GPM6B: variants seen among roughly 807,000 people sequenced by gnomAD.
GPM6B encodes the protein glycoprotein M6B.
A neutral mutation model predicts 27.2 loss-of-function variants in GPM6B; 4 were observed. That is an observed-to-expected ratio of 0.15 (90% CI 0.07 to 0.34). The LOEUF is 0.34. Ranked by LOEUF, GPM6B falls within the 10% of genes least tolerant of loss-of-function variation. GPM6B has a pLI of 1.00. For synonymous variants in GPM6B, 124 were observed against 103.1 expected (o/e 1.20, Z -1.23); for missense variants, 183 against 261.9 (o/e 0.70, Z 2.08).
At chrX:13,904,624 G>A (rs760847976) in intron 1 of GPM6B, among the ~76,000 whole-genome samples, 14 of 111,059 alleles carry the variant, frequency 1.3e-4, no homozygotes, top group South Asian at 7.8e-4. Flanking sequence ...CGACAACACC[G>A]TTTACTTGCA....
Position 13,807,773 on chromosome X carries a change from C to T in GPM6B, c.62-4G>A. Reference sequence around the variant, plus strand: ...TCCATTTCAGCTCTGCTGTTCACTGCCAATTTCAGGTGGCAAAGAGTCAGT... The same window carrying T: ...TCCATTTCAGCTCTGCTGTTCACTGTCAATTTCAGGTGGCAAAGAGTCAGT... On this transcript the variant is annotated splice_region_variant and splice_polypyrimidine_tract_variant and intron_variant, in intron 1 of 7. Coordinates refer to ENST00000316715, the MANE Select transcript of GPM6B (RefSeq NM_001001995.3). The T allele has an allele frequency of 8.4e-7, 1 of 1,193,966 alleles. No individual in the cohort carries two copies. Among genetic ancestry groups the T allele is most frequent in the Non-Finnish European group, 1.1e-6 (1 of 883,974 alleles).
intron 1 of GPM6B, among the ~76,000 whole-genome samples, chrX:13,934,216 T>A (rs767747165): frequency 2.3e-4 from 26 of 111,330 alleles, no homozygotes; most frequent in African/African-American, 8.1e-4. Context: ...GTCCCGATAT[T>A]AAAAGGGAGC....
chrX:13,892,935 CT>C (rs1177683866), intron 1 of GPM6B, among the ~76,000 whole-genome samples: 2 of 112,038 alleles, frequency 1.8e-5, no homozygotes, highest in African/African-American at 6.5e-5. Context: ...GTCCCAGCTA[CT>C]TGGGATTGCT....
At chrX:13,905,404 A>T (rs900127287) in intron 1 of GPM6B, among the ~76,000 whole-genome samples, 3 of 111,301 alleles carry the variant, frequency 2.7e-5, no homozygotes, top group African/African-American at 9.8e-5. Context: ...TCTTAAACTC[A>T]GTGGCTGACG....
At chrX:13,908,725 T>C (rs1031037429) in intron 1 of GPM6B, among the ~76,000 whole-genome samples, 6 of 112,739 alleles carry the variant, frequency 5.3e-5, no homozygotes, top group Non-Finnish European at 1.1e-4. Context: ...TGTACTATTT[T>C]TATAACTTTT....
chrX:13,856,218 C>T (rs1028927508), intron 1 of GPM6B, among the ~76,000 whole-genome samples: 2 of 111,907 alleles, frequency 1.8e-5, no homozygotes, highest in Non-Finnish European at 3.8e-5. Flanking sequence ...TGGCTCTACT[C>T]CAAGTCTTTG....
intron 6 of GPM6B, 66 bp downstream of exon 6, chrX:13,777,286 C>G: frequency 1.3e-6 from 1 of 783,549 alleles, no homozygotes; most frequent in Non-Finnish European, 2.0e-6. Flanking sequence ...GCTCTTTCTA[C>G]AGCTGGGAGA....
chrX:13,874,363 G>A (rs2050010435), intron 1 of GPM6B, among the ~76,000 whole-genome samples: 1 of 110,767 alleles, frequency 9.0e-6, no homozygotes, highest in South Asian at 3.8e-4. Context: ...ACACATTCTG[G>A]AAGGTGCTAG....
intron 1 of GPM6B, among the ~76,000 whole-genome samples, chrX:13,859,491 C>T (rs144177522): frequency 0.035 from 3,937 of 111,206 alleles, 179 homozygotes; most frequent in African/African-American, 0.12. Context: ...GACATTTGGG[C>T]TGTCTTCAGT....
intron 3 of GPM6B, chrX:13,783,994 C>T (rs1002039970): frequency 4.0e-6 from 1 of 251,477 alleles, no homozygotes; most frequent in African/African-American, 2.8e-5. Flanking sequence ...CCTAAGTAGG[C>T]ACTCAGGGCT....
chrX:13,807,305 G>GC (rs1265328818), intron 2 of GPM6B, among the ~76,000 whole-genome samples: 1 of 111,703 alleles, frequency 9.0e-6, no homozygotes, highest in African/African-American at 3.3e-5. Context: ...GATGTGGGTG[G>GC]CCCCCCTCCC....
At chrX:13,819,874 AT>A (rs1301843154), upstream of GPM6B, among the ~76,000 whole-genome samples, 3 of 112,046 alleles carry the variant, frequency 2.7e-5, no homozygotes, top group Non-Finnish European at 5.6e-5. Context: ...TATTGCAGTA[AT>A]GCTTAGAAAC....
chrX:13,779,029 T>TC (rs1268263181), intron 5 of GPM6B, among the ~76,000 whole-genome samples: 2 of 110,993 alleles, frequency 1.8e-5, no homozygotes, highest in East Asian at 2.8e-4. Flanking sequence ...TGAAAGCTAT[T>TC]CCCCCCCACC....
chrX:13,804,429 GGGGC>G (rs200398090), intron 2 of GPM6B, among the ~76,000 whole-genome samples: 18,847 of 79,841 alleles, frequency 0.24, 2,653 homozygotes, highest in Admixed American at 0.43. Flanking sequence ...GGGGGGGCGG[GGGGC>G]GGGGGTAGCC....
At chrX:13,791,171 T>C (rs372296070) in intron 2 of GPM6B, among the ~76,000 whole-genome samples, 3 of 111,395 alleles carry the variant, frequency 2.7e-5, no homozygotes, top group East Asian at 5.5e-4. Flanking sequence ...ATGACTGTGA[T>C]GTATTCATGT....
chrX:13,807,090 G>C (rs1453970225), intron 2 of GPM6B, among the ~76,000 whole-genome samples: 1 of 112,306 alleles, frequency 8.9e-6, no homozygotes, highest in African/African-American at 3.2e-5. Flanking sequence ...ATGGAAACCG[G>C]ACCCACTGAA....
At chrX:13,804,316 C>A (rs1308242756) in intron 2 of GPM6B, among the ~76,000 whole-genome samples, 9 of 108,520 alleles carry the variant, frequency 8.3e-5, no homozygotes, top group Non-Finnish European at 1.5e-4. Flanking sequence ...CACAATATGC[C>A]ACTGACTGGA....
chrX:13,829,355 G>A (rs2049412027), intron 1 of GPM6B, among the ~76,000 whole-genome samples: 1 of 111,433 alleles, frequency 9.0e-6, no homozygotes, highest in African/African-American at 3.3e-5. Context: ...CCCCCATAAG[G>A]CTATTGTTAG....
At position 13,774,027 on chromosome X, in the gene GPM6B, T is replaced by G. The variant is rs1194947216; in HGVS notation, c.838-997A>C. On this transcript the variant is annotated intron_variant, in intron 7 of 7. Coordinates refer to ENST00000316715, the MANE Select transcript of GPM6B (RefSeq NM_001001995.3). ...TCTTCAAATTTTCATCTGGCTTATT[T>G]GAGGGTCATTTGGTAGTGAACCATG... is the stretch of plus-strand genomic sequence containing the variant. 5.4e-6 allele frequency: 4 copies of G among 742,811 alleles called. No individual in the cohort carries two copies. The African/African-American group carries it at 9.7e-5, about 18-fold the overall frequency. 61.2% of individuals were successfully genotyped at this position (742,811 alleles called of 1,213,427 possible).
Sources: allele counts gnomAD v4.1 joint callset (sites outside exome capture counted in the v4.1 genomes callset), GRCh38; gene constraint gnomAD v4.1.1; transcripts MANE v1.5; gene names NCBI Gene and HGNC (gene_info 2026-07-23, HGNC 2026-07-21).